The following DCDC2C variants were observed in gnomAD, a reference collection of about 807,000 sequenced individuals.
DCDC2C encodes the protein doublecortin domain-containing protein 2C.
In DCDC2C, 44 loss-of-function variants were observed where a neutral mutation model predicts 45.0. The ratio of observed to expected loss-of-function variants is 0.98; its 90% CI spans 0.77 to 1.26. The LOEUF (loss-of-function observed/expected upper bound fraction) is 1.26, where lower values mean the gene tolerates loss of function less well. DCDC2C is among the 50% of genes most tolerant of loss of function. The probability of loss-of-function intolerance (pLI) is 0.00; values close to 1 mark genes in which losing one functional copy is unlikely to be tolerated. For missense variants in DCDC2C, 447 were observed against 468.9 expected, an observed-to-expected ratio of 0.95 and a Z score of 0.43; for synonymous variants, 187 against 178.8, an observed-to-expected ratio of 1.05 and a Z score of -0.37.
chr2:3,780,295 C>G (rs540300979), intron 9 of DCDC2C, among the ~76,000 whole-genome samples: 2 of 152,238 alleles, frequency 1.3e-5, no homozygotes, highest in East Asian at 1.9e-4. Flanking sequence ...ATTTCAACAG[C>G]GATATGATCC....
chr2:3,767,890 A>T lies in DCDC2C; in HGVS notation c.853+10A>T. The T allele has an allele frequency of 6.7e-7, 1 of 1,496,312 alleles. No homozygotes were observed. The highest frequency in any genetic ancestry group is 1.4e-5 in the African/African-American group (1 of 69,984). 92.7% of individuals were successfully genotyped at this position (1,496,312 alleles called of 1,614,324 possible). A position where few individuals can be genotyped will look rare whatever the true frequency, so the allele number is the denominator to read the frequency against. On this transcript the variant is annotated intron_variant, in intron 7 of 10. Transcript: ENST00000399143. ...GTCCAAAGGGGTGCAGGTGACGTGCAGTTTCATTCTGCTGTAGGCAGTTCG... is the reference window on the plus strand; with the variant it reads ...GTCCAAAGGGGTGCAGGTGACGTGCTGTTTCATTCTGCTGTAGGCAGTTCG...
chr2:3,765,595 G>A (rs879620958), intron 6 of DCDC2C, among the ~76,000 whole-genome samples: 1 of 152,176 alleles, frequency 6.6e-6, no homozygotes, highest in Non-Finnish European at 1.5e-5. Context: ...GGTTTGAATG[G>A]CGGGAAGTGA....
At chr2:3,804,757 G>A (rs931949436) in intron 10 of DCDC2C, among the ~76,000 whole-genome samples, 8 of 152,110 alleles carry the variant, frequency 5.3e-5, no homozygotes, top group Non-Finnish European at 8.8e-5. Flanking sequence ...ACTTCTACCC[G>A]TGCTGCACTC....
intron 1 of DCDC2C, among the ~76,000 whole-genome samples, chr2:3,706,894 A>G (rs757979348): frequency 5.3e-5 from 8 of 152,178 alleles, no homozygotes; most frequent in Non-Finnish European, 1.2e-4. Context: ...TAACCTCTCC[A>G]AGACTTGGTT....
chr2:3,753,540 T>C (rs889030466), intron 5 of DCDC2C, among the ~76,000 whole-genome samples: 5 of 152,218 alleles, frequency 3.3e-5, no homozygotes, highest in African/African-American at 1.2e-4. Flanking sequence ...CTAGGAACTT[T>C]CCTGGAGCTA....
At chr2:3,781,143 T>C (rs1207878182) in intron 9 of DCDC2C, among the ~76,000 whole-genome samples, 1 of 152,228 alleles carries the variant, frequency 6.6e-6, no homozygotes, top group Non-Finnish European at 1.5e-5. Flanking sequence ...TTTTGAGGGC[T>C]CAAGAAGAGC....
chr2:3,736,255 T>A (rs1669021875), intron 3 of DCDC2C, among the ~76,000 whole-genome samples: 1 of 152,134 alleles, frequency 6.6e-6, no homozygotes, highest in South Asian at 2.1e-4. Context: ...TACAGGGTGG[T>A]AGGACTGAGA....
At position 3,821,820 on chromosome 2, in the gene DCDC2C, T is replaced by A. The variant is rs1299969321; in HGVS notation, c.1066-25334T>A. ...TATTTAGAAATCAAATCTCCTTTATTTTTATAATTTTATGTAACTCTGTAA... is the reference window on the plus strand; with the variant it reads ...TATTTAGAAATCAAATCTCCTTTATATTTATAATTTTATGTAACTCTGTAA... On this transcript the variant is annotated intron_variant, in intron 10 of 10. Coordinates refer to ENST00000399143, the MANE Select transcript of DCDC2C (RefSeq NM_001287444.2). 2.0e-5 allele frequency among the ~76,000 whole-genome samples: 3 copies of A among 152,244 alleles called. No homozygotes were observed. The East Asian group carries it at 5.8e-4, about 29-fold the overall frequency.
chr2:3,833,615 C>A lies in DCDC2C; in HGVS notation c.1066-13539C>A, dbSNP rs147675304. ...AGCATAAGGTCCTTTGGAAGTGTAC[C>A]CAAACTGAGACTATGTATTGATTAT... On this transcript the variant is annotated intron_variant, in intron 10 of 10. Coordinates refer to ENST00000399143, the MANE Select transcript of DCDC2C (RefSeq NM_001287444.2). 5.6e-3 allele frequency among the ~76,000 whole-genome samples: 855 copies of A among 152,222 alleles called. 8 individuals are homozygous for A. Among genetic ancestry groups the A allele is most frequent in the African/African-American group, 0.019 (776 of 41,508 alleles).
intron 3 of DCDC2C, among the ~76,000 whole-genome samples, chr2:3,737,045 T>C (rs1669050886): frequency 6.6e-6 from 1 of 152,164 alleles, no homozygotes; most frequent in Admixed American, 6.5e-5. Flanking sequence ...ATCTGTTCCT[T>C]TGATCCCTAA....
chr2:3,708,789 G>A (rs967555844), intron 2 of DCDC2C, among the ~76,000 whole-genome samples, 189 bp downstream of exon 2: 3 of 152,320 alleles, frequency 2.0e-5, no homozygotes, highest in Non-Finnish European at 4.4e-5. Flanking sequence ...ACCAAGTGGC[G>A]GAAGGCAGTG....
chr2:3,718,743 G>T (rs1668414870), intron 2 of DCDC2C, among the ~76,000 whole-genome samples: 1 of 152,144 alleles, frequency 6.6e-6, no homozygotes, highest in Admixed American at 6.6e-5. Flanking sequence ...TCTGGAGTTG[G>T]TTCCTGCCGG....
chr2:3,799,670 T>C (rs1418578761), intron 10 of DCDC2C, among the ~76,000 whole-genome samples: 4 of 152,250 alleles, frequency 2.6e-5, no homozygotes, highest in Non-Finnish European at 4.4e-5. Flanking sequence ...GCCTCCCAGT[T>C]AGGCTGCTCG....
At chr2:3,828,056 A>C (rs1222491104) in intron 10 of DCDC2C, among the ~76,000 whole-genome samples, 2 of 152,230 alleles carry the variant, frequency 1.3e-5, no homozygotes, top group African/African-American at 4.8e-5. Flanking sequence ...TACTTTCAAA[A>C]ATCACATGAA....
At chr2:3,739,716 T>TG (rs1425231043) in intron 3 of DCDC2C, among the ~76,000 whole-genome samples, 2 of 152,246 alleles carry the variant, frequency 1.3e-5, no homozygotes, top group African/African-American at 4.8e-5. Context: ...CAAGCCCACA[T>TG]GTGATCCAGT....
intron 10 of DCDC2C, among the ~76,000 whole-genome samples, chr2:3,811,187 C>T (rs575999558): frequency 1.2e-4 from 18 of 152,262 alleles, no homozygotes; most frequent in East Asian, 5.8e-4. Context: ...GCCATTTTCA[C>T]GATATTGATT....
In DCDC2C at chr2:3,770,187, T is replaced by G. The variant is rs537766688; in HGVS notation, c.954+776T>G. ...CAATTCTTAGTTTTTGAGCAAAGAA[T>G]GTATATTCTCTAAAAGGTCAATATT... On this transcript the variant is annotated intron_variant, in intron 8 of 10. Transcript: ENST00000399143. 2.1e-4 allele frequency among the ~76,000 whole-genome samples: 32 copies of G among 152,378 alleles called. No individual in the cohort carries two copies. The East Asian group carries it at 6.2e-3, about 29-fold the overall frequency.
intron 10 of DCDC2C, among the ~76,000 whole-genome samples, chr2:3,835,537 T>C (rs12467066): frequency 0.09 from 13,699 of 152,242 alleles, 693 homozygotes; most frequent in Admixed American, 0.14. Context: ...TCTAGTTCCC[T>C]GCGGCATTTC....
Position 3,724,582 on chromosome 2 carries a change from C to T in DCDC2C, c.340-2421C>T, listed in dbSNP as rs563818805. Among the ~76,000 whole-genome samples, 4 of 152,200 alleles carry T rather than the reference C, an allele frequency of 2.6e-5. No homozygotes were observed. In the South Asian group the frequency reaches 6.2e-4, roughly 24 times the overall value. Reference sequence around the variant, plus strand: ...GTGCTGTCCTTGGCCATGGCACTTTCGTAGATGACATTTACTCAACGTGGG... The same window carrying T: ...GTGCTGTCCTTGGCCATGGCACTTTTGTAGATGACATTTACTCAACGTGGG... On this transcript the variant is annotated intron_variant, in intron 2 of 10. Transcript: ENST00000399143.
Sources: allele counts gnomAD v4.1 joint callset (sites outside exome capture counted in the v4.1 genomes callset), GRCh38; gene constraint gnomAD v4.1.1; transcripts MANE v1.5; gene names NCBI Gene and HGNC (gene_info 2026-07-23, HGNC 2026-07-21).